Variants in PLSCR2 observed in about 807,000 individuals in gnomAD.
PLSCR2 encodes the protein phospholipid scramblase 2, also known as PL scramblase 2.
PLSCR2 carries 18 observed loss-of-function variants against 25.3 expected under a neutral mutation model. The observed-to-expected ratio is 0.71, with a 90% CI of 0.49 to 1.06. The LOEUF is 1.06. PLSCR2 is among the 50% of genes least tolerant of loss of function. The probability of loss-of-function intolerance (pLI) is 0.00; values close to 1 mark genes in which losing one functional copy is unlikely to be tolerated. For synonymous variants in PLSCR2, 88 were observed against 87.3 expected (o/e 1.01, Z -0.04); for missense variants, 243 against 269.5 (o/e 0.90, Z 0.69).
chr3:146,488,172 A>G (rs1374488053), intron 1 of PLSCR2, among the ~76,000 whole-genome samples: 2 of 152,164 alleles, frequency 1.3e-5, no homozygotes, highest in African/African-American at 4.8e-5. Context: ...TTTACACAAA[A>G]ATTAACTCAA....
downstream of PLSCR2, among the ~76,000 whole-genome samples, chr3:146,438,300 C>G (rs755479087): frequency 2.6e-5 from 4 of 152,130 alleles, no homozygotes; most frequent in Non-Finnish European, 4.4e-5. Flanking sequence ...CTGCTTGGTG[C>G]AGAGCTGAGT....
chr3:146,408,297 G>A (rs187480942), intron 2 of PLSCR2, among the ~76,000 whole-genome samples: 250 of 152,206 alleles, frequency 1.6e-3, no homozygotes, highest in Middle Eastern at 3.4e-3. Context: ...CTTGGCTTTC[G>A]TGGACAAACA....
rs1339973660 is a variant in PLSCR2 at position 146,435,459 on chromosome 3, C to T, written c.*35-1942G>A. Among the ~76,000 whole-genome samples the T allele has an allele frequency of 2.0e-4, 30 of 152,162 alleles. 1 individual carries two copies. Among genetic ancestry groups the T allele is most frequent in the Admixed American group, 2.0e-3 (30 of 15,272 alleles). On this transcript the variant is annotated intron_variant, in intron 8 of 8. Coordinates refer to the PLSCR2 transcript ENST00000336685. The stretch of plus-strand genomic sequence containing the variant: ...TTGTTTCCTGACTTTTTAATGACTG[C>T]CATTCTAACTGGTGTGAGATGGTAT...
At chr3:146,488,850 A>G (rs571926124) in intron 1 of PLSCR2, among the ~76,000 whole-genome samples, 2 of 152,328 alleles carry the variant, frequency 1.3e-5, no homozygotes, top group Middle Eastern at 6.8e-3. Context: ...TCATTCTATT[A>G]TAAAGATAAA....
At chr3:146,410,271 A>G (rs908777689) in intron 2 of PLSCR2, among the ~76,000 whole-genome samples, 6 of 152,172 alleles carry the variant, frequency 3.9e-5, no homozygotes, top group Non-Finnish European at 2.9e-5. Context: ...AATCTAAATG[A>G]AGTAAAGCAG....
chr3:146,440,496 C>T (rs1201558802), downstream of PLSCR2, among the ~76,000 whole-genome samples: 1 of 152,188 alleles, frequency 6.6e-6, no homozygotes, highest in Non-Finnish European at 1.5e-5. Context: ...TCCCCAGCCT[C>T]GCTGCCACCT....
chr3:146,485,516 T>G (rs2043307588), intron 1 of PLSCR2, among the ~76,000 whole-genome samples: 1 of 152,098 alleles, frequency 6.6e-6, no homozygotes, highest in African/African-American at 2.4e-5. Flanking sequence ...TAGTGCCACA[T>G]GACTCTTACT....
intron 2 of PLSCR2, among the ~76,000 whole-genome samples, chr3:146,409,851 T>TG (rs1417714954): frequency 1.8e-4 from 27 of 152,098 alleles, no homozygotes; most frequent in African/African-American, 5.6e-4. Context: ...ACTCACTCCC[T>TG]GGGGGGCTGG....
downstream of PLSCR2, chr3:146,441,762 A>G: frequency 6.5e-7 from 1 of 1,537,040 alleles, no homozygotes. Context: ...ACTTACATTA[A>G]TCCACTCCCA....
intron 1 of PLSCR2, among the ~76,000 whole-genome samples, chr3:146,478,464 G>A (rs1156825205): frequency 6.6e-6 from 1 of 152,058 alleles, no homozygotes; most frequent in Non-Finnish European, 1.5e-5. Flanking sequence ...TTCAGTAGCT[G>A]ATTCGATCAA....
At chr3:146,452,111 T>G (rs962222009) in intron 5 of PLSCR2, among the ~76,000 whole-genome samples, 3 of 152,064 alleles carry the variant, frequency 2.0e-5, no homozygotes, top group Non-Finnish European at 4.4e-5. Flanking sequence ...TGGGAACAGT[T>G]TTGTGGGACT....
At chr3:146,437,180 G>C (rs1216090990), downstream of PLSCR2, among the ~76,000 whole-genome samples, 1 of 152,082 alleles carries the variant, frequency 6.6e-6, no homozygotes, top group African/African-American at 2.4e-5. Context: ...TGGTTTGCCA[G>C]TATTTCATTG....
chr3:146,442,689 A>G (rs1298749048), intron 6 of PLSCR2, among the ~76,000 whole-genome samples: 1 of 152,044 alleles, frequency 6.6e-6, no homozygotes, highest in Non-Finnish European at 1.5e-5. Context: ...TGACAAAGGT[A>G]CCACCACCAC....
At chr3:146,480,044 C>T (rs531782008) in intron 1 of PLSCR2, among the ~76,000 whole-genome samples, 29 of 152,154 alleles carry the variant, frequency 1.9e-4, no homozygotes, top group African/African-American at 7.0e-4. Flanking sequence ...CCAATGAGAA[C>T]AAAGACAAAG....
intron 1 of PLSCR2, chr3:146,495,043 G>C (rs1163166648): frequency 1.3e-5 from 2 of 152,124 alleles, no homozygotes; most frequent in Admixed American, 6.5e-5. Flanking sequence ...CTAAAGAAGA[G>C]GAATGGCAGG....
At chr3:146,455,311 C>G in exon 4 of PLSCR2, 1 of 1,614,012 alleles carries the variant, frequency 6.2e-7, no homozygotes, top group Non-Finnish European at 8.5e-7. Flanking sequence ...CTTCTCGACC[C>G]ACATTATCAG....
intron 1 of PLSCR2, among the ~76,000 whole-genome samples, chr3:146,492,972 A>C (rs1015367233): frequency 1.3e-5 from 2 of 149,272 alleles, no homozygotes; most frequent in African/African-American, 5.0e-5. Flanking sequence ...CAAAGGAGAC[A>C]TTAATATGGA....
intron 6 of PLSCR2, among the ~76,000 whole-genome samples, chr3:146,445,582 A>G (rs892047748): frequency 2.6e-5 from 4 of 151,702 alleles, no homozygotes; most frequent in Admixed American, 2.0e-4. Context: ...TTTCTTTATC[A>G]TTAACATTTG....
At chr3:146,449,152 C>G (rs2040740620) in intron 6 of PLSCR2, 54 bp downstream of exon 6, 2 of 1,252,460 alleles carry the variant, frequency 1.6e-6, no homozygotes, top group South Asian at 2.6e-5. Context: ...TGAAGTATTT[C>G]AGAATGATTC....
Sources: gnomAD v4.1 joint callset for allele counts (sites outside exome capture counted in the v4.1 genomes callset) on GRCh38, gnomAD v4.1.1 for gene constraint, MANE v1.5 for transcripts, NCBI Gene and HGNC (gene_info 2026-07-23, HGNC 2026-07-21) for gene names.